The following GPHN variants were observed in gnomAD, a reference collection of about 807,000 sequenced individuals.
GPHN encodes the protein gephyrin.
Under a neutral mutation model 95.5 loss-of-function variants are expected in GPHN, and 17 were observed. That is an observed-to-expected ratio of 0.18 (90% confidence interval 0.12 to 0.27). The LOEUF (loss-of-function observed/expected upper bound fraction) is 0.27, where lower values mean the gene tolerates loss of function less well. Among genes scored for constraint, GPHN ranks in the 10% least tolerant of loss-of-function variants. The probability of loss-of-function intolerance (pLI) is 1.00; values close to 1 mark genes in which losing one functional copy is unlikely to be tolerated. For synonymous variants in GPHN, 320 were observed against 322.5 expected (o/e 0.99, Z 0.08); for missense variants, 660 against 978.1 (o/e 0.67, Z 4.34).
chr14:67,611,886 A>G, the GPHN span, among the ~76,000 whole-genome samples: 7 of 152,114 alleles, frequency 4.6e-5, no homozygotes, highest in Non-Finnish European at 1.0e-4. Context: ...ACTCTCCATA[A>G]TGTAGAATCA....
At chr14:67,691,659 T>C in the GPHN span, 1 of 166,190 alleles carries the variant, frequency 6.0e-6, no homozygotes, top group Non-Finnish European at 1.3e-5. Flanking sequence ...ACCTCTTTAT[T>C]GCATCTTCCA....
At chr14:67,646,102 G>C in the GPHN span, among the ~76,000 whole-genome samples, 9 of 152,232 alleles carry the variant, frequency 5.9e-5, no homozygotes, top group African/African-American at 2.2e-4. Context: ...CACTGATCTA[G>C]AAGACAAATA....
chr14:66,817,924 G>T (rs904981630), intron 3 of GPHN, among the ~76,000 whole-genome samples: 4 of 152,064 alleles, frequency 2.6e-5, no homozygotes, highest in Non-Finnish European at 5.9e-5. Context: ...CAGTTGCAAG[G>T]GTTGTAGAAA....
At chr14:67,692,246 T>C in the GPHN span, 1 of 604,952 alleles carries the variant, frequency 1.7e-6, no homozygotes, top group South Asian at 2.0e-5. Context: ...TTTGAATTCA[T>C]TTTTTGTTTC....
the GPHN span, among the ~76,000 whole-genome samples, chr14:67,658,586 G>A: frequency 6.6e-6 from 1 of 151,930 alleles, no homozygotes; most frequent in Non-Finnish European, 1.5e-5. Context: ...GACAGAGCGA[G>A]ACTCCGTCTC....
At chr14:66,857,252 G>T (rs1288594995) in intron 4 of GPHN, among the ~76,000 whole-genome samples, 1 of 152,090 alleles carries the variant, frequency 6.6e-6, no homozygotes, top group African/African-American at 2.4e-5. Context: ...GGAAAAAATA[G>T]AAAGAATAAA....
At chr14:67,100,039 C>G (rs1388551442) in intron 12 of GPHN, among the ~76,000 whole-genome samples, 1 of 151,852 alleles carries the variant, frequency 6.6e-6, no homozygotes, top group Non-Finnish European at 1.5e-5. Flanking sequence ...CATTGTTATA[C>G]TGTACATATT....
At chr14:67,578,206 A>G in the GPHN span, 2 of 1,612,378 alleles carry the variant, frequency 1.2e-6, no homozygotes. This position sits in a 1 kb window ranked among gnomAD's most constrained non-coding sequence, Gnocchi z 5.0. Flanking sequence ...GCAGGTAGGC[A>G]TGCCAGGGGT....
chr14:67,440,423 T>G, the GPHN span, among the ~76,000 whole-genome samples: 1 of 151,960 alleles, frequency 6.6e-6, no homozygotes, highest in Non-Finnish European at 1.5e-5. Context: ...AAAAAATTTC[T>G]GCCCCACTCA....
the GPHN span, chr14:67,585,568 C>A: frequency 6.4e-7 from 1 of 1,574,222 alleles, no homozygotes; most frequent in South Asian, 1.2e-5. Context: ...GTTTCCCCAG[C>A]CTGCCCAGCT....
the GPHN span, among the ~76,000 whole-genome samples, chr14:67,446,326 A>T: frequency 6.6e-6 from 1 of 152,188 alleles, no homozygotes; most frequent in South Asian, 2.1e-4. Context: ...TTGTTAGGAG[A>T]TCAGTAAATA....
chr14:67,612,037 C>G, the GPHN span, among the ~76,000 whole-genome samples: 1 of 152,132 alleles, frequency 6.6e-6, no homozygotes, highest in East Asian at 1.9e-4. Context: ...ACAATAGGGT[C>G]CACACTCCTA....
At chr14:67,039,158 T>G (rs905985804) in intron 10 of GPHN, among the ~76,000 whole-genome samples, 1 of 152,170 alleles carries the variant, frequency 6.6e-6, no homozygotes, top group Admixed American at 6.5e-5. Context: ...TGACCAGCCT[T>G]ATACCTTATA....
chr14:67,047,459 G>A (rs1196842422), intron 10 of GPHN, among the ~76,000 whole-genome samples: 12 of 148,742 alleles, frequency 8.1e-5, no homozygotes, highest in African/African-American at 2.0e-4. Flanking sequence ...TCTGCCTCCC[G>A]GATTCAAGGA....
chr14:67,320,171 T>G, the GPHN span: 1 of 1,510,314 alleles, frequency 6.6e-7, no homozygotes, highest in East Asian at 2.3e-5. Context: ...TATGAGTATT[T>G]ATATCTTTAA....
chr14:67,605,223 A>G, the GPHN span, among the ~76,000 whole-genome samples: 1 of 152,184 alleles, frequency 6.6e-6, no homozygotes, highest in Non-Finnish European at 1.5e-5. Context: ...CATTTATTGA[A>G]GTCTTCTCTA....
chr14:66,649,303 C>T (rs2064921487), intron 1 of GPHN, among the ~76,000 whole-genome samples: 5 of 151,890 alleles, frequency 3.3e-5, no homozygotes, highest in Non-Finnish European at 1.5e-5. Context: ...CACTGCACTC[C>T]AACCTGAGCA....
chr14:67,029,296 C>T (rs191314104), intron 10 of GPHN, among the ~76,000 whole-genome samples: 1 of 151,092 alleles, frequency 6.6e-6, no homozygotes, highest in Non-Finnish European at 1.5e-5. Context: ...ACTAGTAATA[C>T]TATGATTAGT....
At chr14:66,894,428 A>G (rs896540729) in intron 5 of GPHN, among the ~76,000 whole-genome samples, 1 of 152,214 alleles carries the variant, frequency 6.6e-6, no homozygotes. Flanking sequence ...AACCTAGGCA[A>G]TACCATTCAG....
Sources: gnomAD v4.1 joint callset for allele counts (sites outside exome capture counted in the v4.1 genomes callset) on GRCh38, gnomAD v4.1.1 for gene constraint, Gnocchi (gnomAD v3.1) non-coding constraint, MANE v1.5 for transcripts, NCBI Gene and HGNC (gene_info 2026-07-23, HGNC 2026-07-21) for gene names.